The following GALNT17 variants were observed in gnomAD, a reference collection of about 807,000 sequenced individuals.
GALNT17 encodes the protein polypeptide N-acetylgalactosaminyltransferase 17, also known as UDP-GalNAc:polypeptide N-acetylgalactosaminyltransferase-like 3.
GALNT17 carries 29 observed loss-of-function variants against 63.7 expected under a neutral mutation model. The observed-to-expected ratio is 0.46, with a 90% CI of 0.34 to 0.62. The LOEUF is 0.62. Among genes scored for constraint, GALNT17 ranks in the 20% least tolerant of loss-of-function variants. The probability of loss-of-function intolerance (pLI) is 0.01; values close to 1 mark genes in which losing one functional copy is unlikely to be tolerated. For missense variants in GALNT17, 603 were observed against 799.6 expected, an observed-to-expected ratio of 0.75 and a Z score of 2.97; for synonymous variants, 305 against 318.3, an observed-to-expected ratio of 0.96 and a Z score of 0.45.
intron 9 of GALNT17, among the ~76,000 whole-genome samples, chr7:71,684,154 G>A (rs752956423): frequency 6.6e-6 from 1 of 152,066 alleles, no homozygotes; most frequent in Admixed American, 6.6e-5. Context: ...CTGCACCCAG[G>A]CCCAGGGTGG....
At chr7:71,595,994 T>C (rs1789879917) in intron 6 of GALNT17, among the ~76,000 whole-genome samples, 1 of 152,128 alleles carries the variant, frequency 6.6e-6, no homozygotes, top group African/African-American at 2.4e-5. Flanking sequence ...TTTATATTCT[T>C]TGCGGGTATT....
intron 5 of GALNT17, among the ~76,000 whole-genome samples, chr7:71,478,373 G>A (rs952602654): frequency 2.6e-5 from 4 of 152,032 alleles, no homozygotes; most frequent in Non-Finnish European, 5.9e-5. Flanking sequence ...GTGCAGTGTG[G>A]CATGATCATG....
chr7:71,159,969 G>C (rs1788312124), intron 1 of GALNT17, among the ~76,000 whole-genome samples: 1 of 151,914 alleles, frequency 6.6e-6, no homozygotes, highest in Non-Finnish European at 1.5e-5. Context: ...ATTTTTAGTA[G>C]AGATGGGTCT....
At chr7:71,373,907 A>G (rs1321709768) in intron 2 of GALNT17, among the ~76,000 whole-genome samples, 1 of 152,144 alleles carries the variant, frequency 6.6e-6, no homozygotes, top group Non-Finnish European at 1.5e-5. Context: ...GTTAAACACC[A>G]TATGACTGTG....
intron 1 of GALNT17, among the ~76,000 whole-genome samples, chr7:71,255,716 T>A (rs550321463): frequency 4.6e-5 from 7 of 152,304 alleles, no homozygotes; most frequent in Middle Eastern, 3.4e-3. Flanking sequence ...ACGTACAGGT[T>A]GCCTGGGGCT....
chr7:71,698,012 A>G (rs866096798), intron 9 of GALNT17, among the ~76,000 whole-genome samples: 3 of 151,448 alleles, frequency 2.0e-5, no homozygotes, highest in Middle Eastern at 3.4e-3. Context: ...AATCCCAGCT[A>G]CTCAGGAGGC....
chr7:71,566,000 G>C (rs1261700387), intron 5 of GALNT17, among the ~76,000 whole-genome samples: 2 of 151,756 alleles, frequency 1.3e-5, no homozygotes, highest in Non-Finnish European at 2.9e-5. Context: ...CGTGCTACTA[G>C]GCCTGGCTAA....
At chr7:71,503,684 G>T (rs1201044766) in intron 5 of GALNT17, among the ~76,000 whole-genome samples, 1 of 152,214 alleles carries the variant, frequency 6.6e-6, no homozygotes, top group African/African-American at 2.4e-5. Context: ...GCAGGTTCAT[G>T]AGAGTGTGTT....
At chr7:71,325,307 G>A (rs1791685809) in intron 1 of GALNT17, among the ~76,000 whole-genome samples, 1 of 152,194 alleles carries the variant, frequency 6.6e-6, no homozygotes, top group Non-Finnish European at 1.5e-5. Context: ...CCTCTCTGCA[G>A]AAACTTCCAA....
intron 1 of GALNT17, among the ~76,000 whole-genome samples, chr7:71,231,539 A>G (rs552670357): frequency 6.6e-6 from 1 of 152,226 alleles, no homozygotes; most frequent in East Asian, 1.9e-4. Flanking sequence ...GGCTTAAACG[A>G]CAGACATCTT....
Position 71,416,242 on chromosome 7 carries a change from A to T in GALNT17, c.764+179A>T, listed in dbSNP as rs180975332. On this transcript the variant is annotated intron_variant, in intron 4 of 10. Transcript: ENST00000333538. ...GGGATAAAGCTAGGGAGCAGGGAGA[A>T]ATTTGTCTGCCGTCTGTTCAGTTCA... Among the ~76,000 whole-genome samples the T allele has an allele frequency of 2.5e-4, 38 of 152,238 alleles. 4 individuals carry two copies. The East Asian group carries it at 2.9e-3, about 12-fold the overall frequency.
intron 9 of GALNT17, among the ~76,000 whole-genome samples, chr7:71,702,898 T>G (rs932787670): frequency 3.9e-5 from 6 of 152,180 alleles, no homozygotes; most frequent in African/African-American, 1.2e-4. Flanking sequence ...AGATGCTGGA[T>G]GAGTGTATGG....
intron 2 of GALNT17, among the ~76,000 whole-genome samples, chr7:71,375,403 T>C (rs745594642): frequency 6.6e-6 from 1 of 151,988 alleles, no homozygotes; most frequent in Non-Finnish European, 1.5e-5. Context: ...GGGTGAGACA[T>C]TGAGTGAGAG....
intron 1 of GALNT17, among the ~76,000 whole-genome samples, chr7:71,270,538 CA>C (rs573250852): frequency 0.015 from 1,301 of 89,206 alleles, 7 homozygotes; most frequent in African/African-American, 0.025. Flanking sequence ...CCCACCCCAC[CA>C]AAAAAAAAAA....
intron 6 of GALNT17, among the ~76,000 whole-genome samples, chr7:71,577,352 C>T (rs1018207651): frequency 6.6e-6 from 1 of 152,132 alleles, no homozygotes; most frequent in African/African-American, 2.4e-5. Context: ...CTATGTATCC[C>T]CTGAAACTAA....
intron 9 of GALNT17, among the ~76,000 whole-genome samples, chr7:71,693,295 C>CATATAT (rs1791486966): frequency 2.5e-5 from 3 of 120,848 alleles, no homozygotes; most frequent in African/African-American, 1.0e-4. Flanking sequence ...CACACACACA[C>CATATAT]ACACACACAC....
intron 1 of GALNT17, among the ~76,000 whole-genome samples, chr7:71,142,275 G>T (rs1787911616): frequency 6.6e-6 from 1 of 152,122 alleles, no homozygotes; most frequent in Non-Finnish European, 1.5e-5. Context: ...GTGAGAGGGG[G>T]TCCTTTTCCT....
chr7:71,216,709 GAC>G lies in GALNT17; in HGVS notation c.238+83673_238+83674del, dbSNP rs1162559892. On this transcript the variant is annotated intron_variant, in intron 1 of 10. Transcript: ENST00000333538. Reference sequence around the variant, plus strand: ...ACACACATATACACATATATACACAGACACAAATACGCACACATATATACACA... The same window carrying G: ...ACACACATATACACATATATACACAGACAAATACGCACACATATATACACA... Among the ~76,000 whole-genome samples, 4 of 150,732 alleles carry G rather than the reference GAC, an allele frequency of 2.7e-5. 1 individual carries two copies. Among genetic ancestry groups the G allele is most frequent in the South Asian group, 4.2e-4 (2 of 4,734 alleles).
At chr7:71,381,388 C>A (rs1157184073) in intron 2 of GALNT17, among the ~76,000 whole-genome samples, 4 of 152,122 alleles carry the variant, frequency 2.6e-5, no homozygotes, top group Non-Finnish European at 5.9e-5. Flanking sequence ...GAGGCACTAT[C>A]CCTTGCGGAC....
Sources: gnomAD v4.1 joint callset for allele counts (sites outside exome capture counted in the v4.1 genomes callset) on GRCh38, gnomAD v4.1.1 for gene constraint, MANE v1.5 for transcripts, NCBI Gene and HGNC (gene_info 2026-07-23, HGNC 2026-07-21) for gene names.